EMSY: variants seen among roughly 807,000 people sequenced by gnomAD.
EMSY encodes the protein BRCA2-interacting transcriptional repressor EMSY.
In EMSY, 26 loss-of-function variants were observed where a neutral mutation model predicts 134.6. The ratio of observed to expected loss-of-function variants is 0.19; its 90% CI spans 0.14 to 0.27. The LOEUF (loss-of-function observed/expected upper bound fraction) is 0.27. EMSY is among the 10% of genes least tolerant of loss of function. The pLI is 1.00. For missense variants in EMSY, 1,305 were observed against 1,611.4 expected, an observed-to-expected ratio of 0.81 and a Z score of 3.26; for synonymous variants, 579 against 577.8, an observed-to-expected ratio of 1.00 and a Z score of -0.03.
At chr11:76,505,212 G>A (rs866735912) in intron 9 of EMSY, among the ~76,000 whole-genome samples, 6 of 152,016 alleles carry the variant, frequency 3.9e-5, no homozygotes, top group South Asian at 2.1e-4. Flanking sequence ...GGCCGGGAGC[G>A]GTGGCTCATG....
intron 16 of EMSY, among the ~76,000 whole-genome samples, chr11:76,538,475 T>C (rs1351421351): frequency 6.6e-6 from 1 of 151,936 alleles, no homozygotes; most frequent in East Asian, 1.9e-4. Flanking sequence ...TGCCCGGGCT[T>C]GTCTTGAATT....
intron 9 of EMSY, among the ~76,000 whole-genome samples, chr11:76,512,293 G>A (rs887665865): frequency 5.3e-5 from 8 of 151,578 alleles, no homozygotes; most frequent in Admixed American, 3.9e-4. Context: ...GCTTGCAGCT[G>A]TAGCATTTAC....
At chr11:76,462,419 GCACTATA>G (rs1309181893) in intron 6 of EMSY, among the ~76,000 whole-genome samples, 1 of 152,170 alleles carries the variant, frequency 6.6e-6, no homozygotes, top group Non-Finnish European at 1.5e-5. Context: ...TATGTGCAAG[GCACTATA>G]CTGGGGAAAC....
exon 19 of EMSY, chr11:76,544,693 A>G (rs371340876): frequency 6.9e-5 from 111 of 1,614,082 alleles, no homozygotes; most frequent in Middle Eastern, 3.3e-4. Flanking sequence ...AGGTGCTTGC[A>G]GTGAAAACCA....
In EMSY at chr11:76,480,744, CAGTG is replaced by C. The variant is rs538871580; in HGVS notation, c.1108+7905_1108+7908del. Among the ~76,000 whole-genome samples the C allele has an allele frequency of 8.1e-4, 123 of 152,288 alleles. 1 individual carries two copies. In the South Asian group the frequency reaches 1.0e-2, roughly 12 times the overall value. On this transcript the variant is annotated intron_variant, in intron 8 of 20. Transcript: ENST00000334736. ...GCTTATCTCACTGGGACTGGTTAGACAGTGGGTGTAGCCCATGGAGGGTGAGCCA... is the reference window on the plus strand; with the variant it reads ...GCTTATCTCACTGGGACTGGTTAGACGGTGTAGCCCATGGAGGGTGAGCCA...
At chr11:76,491,629 C>T (rs1286512164) in intron 8 of EMSY, among the ~76,000 whole-genome samples, 1 of 152,212 alleles carries the variant, frequency 6.6e-6, no homozygotes. Flanking sequence ...CCCTAGCCAC[C>T]GTTTCCTACG....
chr11:76,507,059 G>A (rs1950106270), intron 9 of EMSY, among the ~76,000 whole-genome samples: 1 of 152,152 alleles, frequency 6.6e-6, no homozygotes. Context: ...CAAAGTTTTG[G>A]TTTCCCAGTG....
intron 8 of EMSY, among the ~76,000 whole-genome samples, chr11:76,494,044 G>T (rs190159151): frequency 6.6e-6 from 1 of 152,256 alleles, no homozygotes; most frequent in African/African-American, 2.4e-5. Context: ...GCGGATGCCC[G>T]CAGCAGAAGC....
At chr11:76,543,092 C>T (rs761102774) in intron 18 of EMSY, among the ~76,000 whole-genome samples, 3 of 152,146 alleles carry the variant, frequency 2.0e-5, no homozygotes, top group Non-Finnish European at 4.4e-5. Context: ...AAGTAAGAAA[C>T]TTGCTCCAGG....
intron 8 of EMSY, among the ~76,000 whole-genome samples, chr11:76,484,885 C>T (rs1388468548): frequency 1.3e-5 from 2 of 151,240 alleles, no homozygotes; most frequent in African/African-American, 2.4e-5. Context: ...GGAGATTGCG[C>T]CATTGCACAC....
chr11:76,552,516 A>G (rs774152908), downstream of EMSY: 3 of 152,252 alleles, frequency 2.0e-5, no homozygotes, highest in Non-Finnish European at 2.9e-5. Context: ...AATGCTACAG[A>G]ATTTTTAGAA....
At chr11:76,459,405 G>C (rs1157441490) in intron 5 of EMSY, 1 of 153,370 alleles carries the variant, frequency 6.5e-6, no homozygotes, top group Admixed American at 6.4e-5. Context: ...TGAATGATAG[G>C]TTGAAATATG....
At chr11:76,540,337 C>G (rs945946080) in intron 17 of EMSY, among the ~76,000 whole-genome samples, 8 of 152,064 alleles carry the variant, frequency 5.3e-5, no homozygotes, top group Non-Finnish European at 8.8e-5. Flanking sequence ...TTTTTCTACT[C>G]AGTCATATTG....
rs756787226 is a variant in EMSY, at chr11:76,454,730, C to T, written c.245+1342C>T. 7.0e-6 allele frequency: 10 copies of T among 1,432,480 alleles called. No homozygotes were observed. Among genetic ancestry groups the T allele is most frequent in the Non-Finnish European group, 8.5e-6 (9 of 1,062,540 alleles). The allele number at this position is 1,432,480 out of a possible 1,614,324, so 88.7% of individuals were successfully genotyped here. On this transcript the variant is annotated intron_variant, in intron 4 of 20. Coordinates refer to ENST00000334736, the Ensembl canonical transcript of EMSY. ...GATAACATTTATTTAGTCTCCTTTT[C>T]CTTTTTTCCCCTTTAAAGAATGAAT...
chr11:76,506,423 G>C (rs1441444642), intron 9 of EMSY, among the ~76,000 whole-genome samples: 1 of 152,072 alleles, frequency 6.6e-6, no homozygotes, highest in Non-Finnish European at 1.5e-5. Flanking sequence ...GTTTTGCACA[G>C]AAAACCCCAT....
intron 11 of EMSY, among the ~76,000 whole-genome samples, chr11:76,522,610 G>A (rs2508759): frequency 0.55 from 83,740 of 151,818 alleles, 24,130 homozygotes; most frequent in East Asian, 0.73. Flanking sequence ...ATCTGCCTGC[G>A]TCAGCCTCTC....
At chr11:76,475,145 T>C (rs774498670) in intron 8 of EMSY, among the ~76,000 whole-genome samples, 6 of 152,184 alleles carry the variant, frequency 3.9e-5, no homozygotes, top group Non-Finnish European at 7.3e-5. Context: ...ATTTTATAAT[T>C]TGAAGGTTGA....
intron 8 of EMSY, among the ~76,000 whole-genome samples, chr11:76,481,837 G>C (rs1215252321): frequency 6.6e-6 from 1 of 152,182 alleles, no homozygotes; most frequent in Non-Finnish European, 1.5e-5. Flanking sequence ...AGAGTTAAAC[G>C]TTCCTGCCTG....
chr11:76,544,767 C>T lies in EMSY; in HGVS notation c.3218C>T (p.Thr1073Ile), dbSNP rs752960114. ...CCAAAAATCTACGTGCAACCCCAAACCCCCCAGAGCCAAATGTCGCTCCCA... is the reference window on the plus strand; with the variant it reads ...CCAAAAATCTACGTGCAACCCCAAATCCCCCAGAGCCAAATGTCGCTCCCA... The change falls in exon 19 of 21, where the codon ACC becomes ATC. Residue 1073 changes from threonine (T) to isoleucine (I), a missense_variant. Thr to Ile is a moderately conservative substitution (Grantham distance 89, BLOSUM62 -1). Around this residue, in one of 7 missense-constraint regions of EMSY, gnomAD observed 664 missense variants for 763.9 expected, o/e 0.87. Coordinates refer to ENST00000334736, the Ensembl canonical transcript of EMSY. 3.1e-6 allele frequency: 5 copies of T among 1,614,000 alleles called. No homozygotes were observed. In the African/African-American group the frequency reaches 4.0e-5, roughly 13 times the overall value.
Sources: gnomAD v4.1 joint callset for allele counts (sites outside exome capture counted in the v4.1 genomes callset) on GRCh38, gnomAD v4.1.1 for gene constraint, gnomAD v4.1.1 regional missense constraint, MANE v1.5 for transcripts, NCBI Gene and HGNC (gene_info 2026-07-23, HGNC 2026-07-21) for gene names.